PIEZO1: variants seen among roughly 807,000 people sequenced by gnomAD.
PIEZO1 encodes the protein piezo-type mechanosensitive ion channel component 1.
In PIEZO1, 296 loss-of-function variants were observed where a neutral mutation model predicts 297.2. That is an observed-to-expected ratio of 1.00 (90% CI 0.91 to 1.10). The LOEUF (loss-of-function observed/expected upper bound fraction) is 1.10, where lower values mean the gene tolerates loss of function less well. Among genes scored for constraint, PIEZO1 ranks in the 50% least tolerant of loss-of-function variants. The pLI, the probability that PIEZO1 is intolerant of heterozygous loss-of-function variation, is 0.00. For synonymous variants in PIEZO1, 2,427 were observed against 1,507.5 expected, an observed-to-expected ratio of 1.61 and a Z score of -14.13; for missense variants, 5,018 against 3,455.5, an observed-to-expected ratio of 1.45 and a Z score of -11.34.
intron 1 of PIEZO1, among the ~76,000 whole-genome samples, chr16:88,768,760 T>C (rs572823488): frequency 3.9e-4 from 60 of 152,336 alleles, no homozygotes; most frequent in African/African-American, 1.3e-3. Context: ...AGCCAGGCCC[T>C]GCTCCCTTCT....
At chr16:88,723,387 AGCTGGGGTTGGGCAAGCCGGGC>A (rs1904298460) in intron 31 of PIEZO1, 59 bp from the exon 32 acceptor site, 4 of 1,527,850 alleles carry the variant, frequency 2.6e-6, no homozygotes, top group Non-Finnish European at 3.5e-6. Flanking sequence ...CCAGGCGGGA[AGCTGGGGTTGGGCAAGCCGGGC>A]GCCAGATCCA....
intron 2 of PIEZO1, among the ~76,000 whole-genome samples, chr16:88,747,030 C>G (rs1906098161): frequency 6.6e-6 from 1 of 152,156 alleles, no homozygotes; most frequent in Non-Finnish European, 1.5e-5. Context: ...GGGCCCCTCC[C>G]AAAATGCCTC....
chr16:88,741,358 A>C, intron 5 of PIEZO1, 120 bp downstream of exon 5: 1 of 970,776 alleles, frequency 1.0e-6, no homozygotes, highest in East Asian at 2.7e-5. Flanking sequence ...TCTCTTTAAC[A>C]CCAACTTACA....
Position 88,725,053 on chromosome 16 carries a change from G to A in PIEZO1, c.4190C>T (p.Pro1397Leu), listed in dbSNP as rs756582306. 528 of 1,499,618 alleles carry A rather than the reference G, an allele frequency of 3.5e-4. 1 individual carries two copies. The highest frequency in any genetic ancestry group is 4.6e-4 in the South Asian group (35 of 76,406). The allele number at this position is 1,499,618 out of a possible 1,614,324, so 92.9% of individuals were successfully genotyped here. A position where few individuals can be genotyped will look rare whatever the true frequency, so the allele number is the denominator to read the frequency against. Residue 1397 changes from proline to leucine, a missense_variant, in exon 30 of 51, where the codon CCG (proline) becomes CTG (leucine). Transcript: ENST00000301015. ...PGPDSPGGSS[P>L]PRRQWWRPWL... is the part of the protein sequence containing the mutation. Reference sequence around the variant, plus strand: ...GGGCCGCCACCACTGCCTCCGTGGCGGGGAGGAGCCCCCTGGACTGTCGGG... The same window carrying A: ...GGGCCGCCACCACTGCCTCCGTGGCAGGGAGGAGCCCCCTGGACTGTCGGG...
rs765669570 is a variant in PIEZO1 at position 88,726,697 on chromosome 16, G to A, written c.3699+18C>T. On this transcript the variant is annotated intron_variant, in intron 25 of 50. Transcript: ENST00000301015. ...GCGGGGCCCCAGGGCGGTGGGTGCG[G>A]GGGGGCCGGAGGCTCACCGACAGCA... 1.9e-6 allele frequency: 3 copies of A among 1,547,710 alleles called. No individual in the cohort carries two copies. Among genetic ancestry groups the A allele is most frequent in the African/African-American group, 2.7e-5 (2 of 73,002 alleles).
intron 2 of PIEZO1, chr16:88,745,806 G>A (rs1906017609): frequency 1.3e-5 from 2 of 151,936 alleles, no homozygotes; most frequent in South Asian, 2.1e-4. Flanking sequence ...GGGCTCTCAG[G>A]AGGAAACAGG....
At chr16:88,730,383 A>G (rs532422510) in intron 22 of PIEZO1, among the ~76,000 whole-genome samples, 35 of 150,034 alleles carry the variant, frequency 2.3e-4, no homozygotes, top group African/African-American at 8.4e-4. Flanking sequence ...GGATCACCTG[A>G]GGTCAGGAGT....
At chr16:88,762,086 C>T (rs1906957803) in intron 1 of PIEZO1, among the ~76,000 whole-genome samples, 1 of 152,192 alleles carries the variant, frequency 6.6e-6, no homozygotes, top group Admixed American at 6.5e-5. Context: ...GAGGGTGTGG[C>T]CCCAGGAAGG....
At chr16:88,761,905 T>C (rs1597480507) in intron 1 of PIEZO1, among the ~76,000 whole-genome samples, 1 of 152,262 alleles carries the variant, frequency 6.6e-6, no homozygotes, top group East Asian at 1.9e-4. Flanking sequence ...AGGGGACAGA[T>C]TCCAGGGCAT....
intron 30 of PIEZO1, 148 bp downstream of exon 30, chr16:88,724,861 A>AC (rs1008179646): frequency 9.2e-6 from 5 of 544,446 alleles, no homozygotes; most frequent in African/African-American, 4.0e-5. Context: ...CCAGTGAGGC[A>AC]CCCCCCGACC....
Position 88,716,677 on chromosome 16 carries a change from T to A in PIEZO1, c.6808A>T (p.Ile2270Phe). Residue 2270 changes from isoleucine (I) to phenylalanine (F), a missense_variant, in exon 47 of 51, where the codon ATT becomes TTT. By Grantham distance (21) the Ile-to-Phe change is conservative. Coordinates refer to ENST00000301015, the MANE Select transcript of PIEZO1 (RefSeq NM_001142864.4). ...CACAGCGCCCCGGAGCTGCCCTCAA[T>A]CTGCGCCGTGACGATGTCCTCAGGG... ...YSPEDIVTAQ[I>F]EGSSGALWRI... The A allele has an allele frequency of 1.3e-6, 2 of 1,549,130 alleles. No individual in the cohort carries two copies. Among genetic ancestry groups the A allele is most frequent in the Non-Finnish European group, 1.7e-6 (2 of 1,146,920 alleles).
rs1162900814 is a variant in PIEZO1 at position 88,734,750 on chromosome 16, C to A, written c.1897G>T (p.Val633Leu). Residue 633 changes from valine (V) to leucine (L), a missense_variant, in exon 15 of 51, where the codon GTG (valine) becomes TTG (leucine). Physicochemically the swap from Val to Leu is conservative, Grantham distance 32. Transcript: ENST00000301015. Reference protein sequence around the residue: ...RKLLKAFWWLVVAYTMLVLIA... With the variant: ...RKLLKAFWWLLVAYTMLVLIA... ...AGGACCAGCATGGTGTAGGCCACCACGAGCCACCAGAAGGCCTTGAGCAGC... is the reference window on the plus strand; with the variant it reads ...AGGACCAGCATGGTGTAGGCCACCAAGAGCCACCAGAAGGCCTTGAGCAGC... 1.3e-6 allele frequency: 2 copies of A among 1,550,268 alleles called. No individual in the cohort carries two copies. The highest frequency in any genetic ancestry group is 1.7e-6 in the Non-Finnish European group (2 of 1,146,880).
intron 1 of PIEZO1, among the ~76,000 whole-genome samples, chr16:88,770,026 G>C (rs963833385): frequency 1.6e-4 from 24 of 152,282 alleles, no homozygotes; most frequent in African/African-American, 5.8e-4. Flanking sequence ...CTGCCCCTGA[G>C]AGAGGAAGTG....
At chr16:88,768,709 G>C (rs1235693105) in intron 1 of PIEZO1, among the ~76,000 whole-genome samples, 1 of 152,176 alleles carries the variant, frequency 6.6e-6, no homozygotes, top group African/African-American at 2.4e-5. Flanking sequence ...GCCCTTCCTG[G>C]CAGTGAGGGG....
chr16:88,733,480 G>GGGCTT, intron 18 of PIEZO1, 26 bp from the exon 19 acceptor site: 1 of 1,539,276 alleles, frequency 6.5e-7, no homozygotes, highest in Non-Finnish European at 8.8e-7. Flanking sequence ...ACGTGGGGCT[G>GGGCTT]GGCTTGGGGA....
chr16:88,784,357 G>T (rs1045673819), intron 1 of PIEZO1, among the ~76,000 whole-genome samples: 4 of 152,240 alleles, frequency 2.6e-5, no homozygotes, highest in African/African-American at 9.6e-5. Flanking sequence ...CGGCAGAGGG[G>T]GGTGCAGCGG....
chr16:88,775,670 A>C (rs1454915648), intron 1 of PIEZO1, among the ~76,000 whole-genome samples: 1 of 147,466 alleles, frequency 6.8e-6, no homozygotes, highest in Non-Finnish European at 1.5e-5. Flanking sequence ...CGGAGGGTGC[A>C]GTGAGCCAAG....
chr16:88,737,838 C>T, intron 8 of PIEZO1, 24 bp from the exon 9 acceptor site: 1 of 1,535,198 alleles, frequency 6.5e-7, no homozygotes, highest in Admixed American at 2.0e-5. Context: ...CGTCTTGAGC[C>T]CAAACCAGCT....
chr16:88,726,979 G>T (rs111456162), intron 24 of PIEZO1, 21 bp from the exon 25 acceptor site: 12 of 1,549,498 alleles, frequency 7.7e-6, no homozygotes, highest in African/African-American at 6.8e-5. Flanking sequence ...GGAGCGTCAG[G>T]GCGGGCGCCC....
Sources: allele counts gnomAD v4.1 joint callset (sites outside exome capture counted in the v4.1 genomes callset), GRCh38; gene constraint gnomAD v4.1.1; transcripts MANE v1.5; gene names NCBI Gene and HGNC (gene_info 2026-07-23, HGNC 2026-07-21).